The following GLIS3 variants were observed in gnomAD, a reference collection of about 807,000 sequenced individuals.
The protein encoded by GLIS3 is zinc finger protein GLIS3.
In GLIS3, 53 loss-of-function variants were observed where a neutral mutation model predicts 78.6. The observed-to-expected ratio is 0.67, with a 90% CI of 0.54 to 0.85. The LOEUF (loss-of-function observed/expected upper bound fraction) is 0.85, where lower values mean the gene tolerates loss of function less well. Ranked by LOEUF, GLIS3 falls within the 40% of genes least tolerant of loss-of-function variation. The pLI, the probability that GLIS3 is intolerant of heterozygous loss-of-function variation, is 0.00. For synonymous variants in GLIS3, 684 were observed against 509.9 expected (o/e 1.34, Z -4.60); for missense variants, 1,703 against 1,231.1 (o/e 1.38, Z -5.74).
the GLIS3 span, among the ~76,000 whole-genome samples, chr9:4,432,358 G>A: frequency 6.6e-6 from 1 of 152,286 alleles, no homozygotes; most frequent in East Asian, 1.9e-4. Flanking sequence ...TTAACAAACA[G>A]AAGTGGGGGG....
At chr9:4,427,434 T>A in the GLIS3 span, among the ~76,000 whole-genome samples, 1 of 152,116 alleles carries the variant, frequency 6.6e-6, no homozygotes, top group African/African-American at 2.4e-5. Flanking sequence ...CCATCTGACA[T>A]CAAACTTCAA....
intron 2 of GLIS3, among the ~76,000 whole-genome samples, chr9:4,171,334 G>C (rs1004322441): frequency 3.3e-5 from 5 of 152,144 alleles, no homozygotes; most frequent in African/African-American, 7.2e-5. Context: ...CCCAAGCCTA[G>C]TAATAAGAAA....
intron 8 of GLIS3, among the ~76,000 whole-genome samples, chr9:3,872,461 A>G (rs1196442376): frequency 6.6e-6 from 1 of 152,238 alleles, no homozygotes; most frequent in African/African-American, 2.4e-5. Context: ...AATTGGACTT[A>G]CATGTGGTTG....
chr9:4,415,006 T>C, the GLIS3 span, among the ~76,000 whole-genome samples: 1 of 152,214 alleles, frequency 6.6e-6, no homozygotes, highest in Non-Finnish European at 1.5e-5. Flanking sequence ...ACAGAGTTCT[T>C]TTTTTTCCTA....
intron 6 of GLIS3, among the ~76,000 whole-genome samples, chr9:3,921,769 AAATC>A (rs1166170359): frequency 6.6e-6 from 1 of 152,210 alleles, no homozygotes. Context: ...TAGTTACTTC[AAATC>A]AATATAAAAA....
chr9:4,116,159 G>A (rs1302090228), intron 4 of GLIS3, among the ~76,000 whole-genome samples: 3 of 152,076 alleles, frequency 2.0e-5, no homozygotes, highest in Non-Finnish European at 2.9e-5. Flanking sequence ...TGGATAATTC[G>A]AGCCTTTATG....
intron 4 of GLIS3, among the ~76,000 whole-genome samples, chr9:4,075,794 A>G (rs971400395): frequency 6.6e-6 from 1 of 152,236 alleles, no homozygotes; most frequent in African/African-American, 2.4e-5. Context: ...GGAACTACTT[A>G]ACCATGCAGC....
intron 2 of GLIS3, among the ~76,000 whole-genome samples, chr9:4,153,292 G>C (rs1382101579): frequency 6.6e-6 from 1 of 152,198 alleles, no homozygotes. Context: ...GGCTGTGCAT[G>C]GTGGCTCACA....
At chr9:4,321,238 G>A (rs1404426398) in intron 2 of GLIS3, among the ~76,000 whole-genome samples, 2 of 140,168 alleles carry the variant, frequency 1.4e-5, no homozygotes, top group African/African-American at 2.9e-5. Context: ...GGCTAACACG[G>A]TGAAACCCCG....
At chr9:4,206,896 G>A (rs1351855308) in intron 2 of GLIS3, among the ~76,000 whole-genome samples, 1 of 150,700 alleles carries the variant, frequency 6.6e-6, no homozygotes, top group Non-Finnish European at 1.5e-5. Context: ...GCGCTGGGAG[G>A]AAGGGGGGAG....
intron 2 of GLIS3, among the ~76,000 whole-genome samples, chr9:4,191,824 A>C (rs1818359052): frequency 6.6e-6 from 1 of 152,180 alleles, no homozygotes; most frequent in Non-Finnish European, 1.5e-5. Context: ...TGAAGACCAT[A>C]TGAAAAATAC....
At chr9:4,058,751 C>G (rs142578404) in intron 4 of GLIS3, among the ~76,000 whole-genome samples, 1 of 151,998 alleles carries the variant, frequency 6.6e-6, no homozygotes, top group East Asian at 1.9e-4. Flanking sequence ...GAGGCCAAGG[C>G]GGGCGGATCA....
At chr9:4,435,438 A>G in the GLIS3 span, among the ~76,000 whole-genome samples, 1 of 152,310 alleles carries the variant, frequency 6.6e-6, no homozygotes, top group East Asian at 1.9e-4. Context: ...TGTGGAGCAC[A>G]TTCCTCAGCC....
rs141390464 is a variant in GLIS3 at position 3,939,123 on chromosome 9, C to A, written c.1711-1934G>T. 5.1e-3 allele frequency among the ~76,000 whole-genome samples: 770 copies of A among 152,264 alleles called. 7 individuals are homozygous for A. The highest frequency in any genetic ancestry group is 0.018 in the African/African-American group (744 of 41,546). ...AGGGTGGATTCCATTTTGGGGCCAG[C>A]TCCCGGGGCACATACCCAAACCTGA... On this transcript the variant is annotated intron_variant, in intron 4 of 10. Coordinates refer to ENST00000381971, the MANE Select transcript of GLIS3 (RefSeq NM_001042413.2).
the GLIS3 span, among the ~76,000 whole-genome samples, chr9:4,463,713 T>C: frequency 6.6e-6 from 1 of 152,238 alleles, no homozygotes; most frequent in Admixed American, 6.5e-5. Context: ...AGGTCAAAGA[T>C]GCAGGATGCC....
Position 4,035,438 on chromosome 9 carries a change from C to T in GLIS3, c.1710+82330G>A, listed in dbSNP as rs370824159. Among the ~76,000 whole-genome samples the T allele has an allele frequency of 7.3e-5, 11 of 151,576 alleles. No homozygotes were observed. In the South Asian group the frequency reaches 1.3e-3, roughly 17 times the overall value. ...TCCCAAAGCTACCTCTCACCTATCTCGTATTCCACCTTCTATCTCTCTCCT... is the reference window on the plus strand; with the variant it reads ...TCCCAAAGCTACCTCTCACCTATCTTGTATTCCACCTTCTATCTCTCTCCT... On this transcript the variant is annotated intron_variant, in intron 4 of 10. Transcript: ENST00000381971.
chr9:3,937,696 A>G (rs974471745), intron 4 of GLIS3, among the ~76,000 whole-genome samples: 5 of 152,224 alleles, frequency 3.3e-5, no homozygotes, highest in Admixed American at 2.6e-4. Flanking sequence ...GATCAATATG[A>G]TCATAAATTT....
At chr9:4,159,030 GAA>G (rs752687047) in intron 2 of GLIS3, among the ~76,000 whole-genome samples, 1 of 79,094 alleles carries the variant, frequency 1.3e-5, no homozygotes. Context: ...GAAAGGAGAA[GAA>G]GAAAAAAAAA....
Position 4,240,492 on chromosome 9 carries a change from G to T in GLIS3, c.388+45546C>A, listed in dbSNP as rs533714173. On this transcript the variant is annotated intron_variant, in intron 2 of 10. Transcript: ENST00000381971. ...CCCTGATCTAAAGCATAACTTCAAC[G>T]GTCCATTCCTGAGATTTTCTCTCCA... 7.9e-5 allele frequency among the ~76,000 whole-genome samples: 12 copies of T among 151,900 alleles called. No homozygotes were observed. The East Asian group carries it at 2.3e-3, about 29-fold the overall frequency.
Sources: allele counts gnomAD v4.1 joint callset (sites outside exome capture counted in the v4.1 genomes callset), GRCh38; gene constraint gnomAD v4.1.1; transcripts MANE v1.5; gene names NCBI Gene and HGNC (gene_info 2026-07-23, HGNC 2026-07-21).